Variants in RFX8 observed in about 807,000 individuals in gnomAD.
RFX8 encodes DNA-binding protein RFX8.
RFX8 carries 46 observed loss-of-function variants against 54.6 expected under a neutral mutation model. That is an observed-to-expected ratio of 0.84 (90% confidence interval 0.67 to 1.08). RFX8 has a LOEUF of 1.08. Ranked by LOEUF, RFX8 falls within the 50% of genes least tolerant of loss-of-function variation. The probability of loss-of-function intolerance (pLI) is 0.00; values close to 1 mark genes in which losing one functional copy is unlikely to be tolerated. For missense variants in RFX8, 536 were observed against 562.3 expected (o/e 0.95, Z 0.47); for synonymous variants, 192 against 209.5 (o/e 0.92, Z 0.72).
chr2:101,407,508 A>G (rs1319329748), intron 9 of RFX8, among the ~76,000 whole-genome samples: 1 of 152,206 alleles, frequency 6.6e-6, no homozygotes, highest in Non-Finnish European at 1.5e-5. Context: ...CCTGGCCAAC[A>G]TGGCAAAACC....
chr2:101,429,010 G>A, intron 2 of RFX8: 1 of 1,529,688 alleles, frequency 6.5e-7, no homozygotes, highest in Non-Finnish European at 8.8e-7. Flanking sequence ...CAAAGGCAAT[G>A]GCATCTCCAC....
chr2:101,401,534 C>G (rs1002662415), intron 11 of RFX8, among the ~76,000 whole-genome samples: 17 of 152,206 alleles, frequency 1.1e-4, no homozygotes, highest in Admixed American at 1.3e-4. Context: ...AGAGGGGGAA[C>G]TTGTGGGCAC....
At chr2:101,411,368 G>A (rs1686114331) in intron 8 of RFX8, among the ~76,000 whole-genome samples, 1 of 152,206 alleles carries the variant, frequency 6.6e-6, no homozygotes, top group Non-Finnish European at 1.5e-5. Context: ...TTGCCTGCAG[G>A]TATCAGCAGT....
At chr2:101,420,187 G>A (rs552164587) in intron 4 of RFX8, among the ~76,000 whole-genome samples, 7 of 152,028 alleles carry the variant, frequency 4.6e-5, no homozygotes, top group African/African-American at 9.7e-5. Flanking sequence ...TGGGGCATCC[G>A]AGGCCCCTTC....
At chr2:101,433,854 A>G (rs766729166) in intron 2 of RFX8, among the ~76,000 whole-genome samples, 2 of 152,250 alleles carry the variant, frequency 1.3e-5, no homozygotes, top group Non-Finnish European at 2.9e-5. Flanking sequence ...CTCAAAGCAC[A>G]TGAAGTAATT....
intron 4 of RFX8, 160 bp downstream of exon 4, chr2:101,421,564 A>G (rs1686863752): frequency 2.6e-5 from 35 of 1,347,508 alleles, no homozygotes; most frequent in Non-Finnish European, 3.3e-5. Flanking sequence ...GAACTCAATG[A>G]CTACAACATA....
chr2:101,466,356 C>T (rs1392465681), intron 2 of RFX8, among the ~76,000 whole-genome samples: 1 of 151,574 alleles, frequency 6.6e-6, no homozygotes, highest in East Asian at 1.9e-4. Flanking sequence ...CTTTTAAGAG[C>T]CAATGAGTTC....
intron 9 of RFX8, among the ~76,000 whole-genome samples, chr2:101,408,404 G>A (rs999940362): frequency 5.3e-5 from 8 of 151,764 alleles, no homozygotes; most frequent in Non-Finnish European, 1.0e-4. Context: ...AGAATGGCGT[G>A]AACCCTGGGG....
intron 2 of RFX8, among the ~76,000 whole-genome samples, chr2:101,451,730 C>T (rs1573458959): frequency 1.3e-5 from 2 of 150,378 alleles, no homozygotes; most frequent in South Asian, 4.2e-4. Flanking sequence ...GCCTCGGGAC[C>T]GCACCTCCGG....
chr2:101,453,962 G>A (rs112661677), intron 2 of RFX8, among the ~76,000 whole-genome samples: 52,548 of 151,812 alleles, frequency 0.35, 9,774 homozygotes, highest in African/African-American at 0.45. Flanking sequence ...GGTTTGTTAC[G>A]TACGTATACA....
intron 1 of RFX8, among the ~76,000 whole-genome samples, chr2:101,472,423 C>G (rs1388195970): frequency 6.6e-6 from 1 of 152,050 alleles, no homozygotes; most frequent in African/African-American, 2.4e-5. Context: ...TTAAACATAC[C>G]ACCTCATCAA....
intron 2 of RFX8, among the ~76,000 whole-genome samples, chr2:101,463,409 T>C (rs1227610353): frequency 6.6e-6 from 1 of 152,118 alleles, no homozygotes; most frequent in East Asian, 1.9e-4. Flanking sequence ...AGGGCAGGGC[T>C]CTGGCAGGAG....
chr2:101,421,634 G>T (rs923208115), intron 4 of RFX8, 90 bp downstream of exon 4: 1 of 1,496,154 alleles, frequency 6.7e-7, no homozygotes, highest in Non-Finnish European at 8.9e-7. Flanking sequence ...TGTTGACGGG[G>T]TCTCTTCAAA....
chr2:101,460,018 G>A (rs1689182849), intron 2 of RFX8, among the ~76,000 whole-genome samples: 1 of 152,226 alleles, frequency 6.6e-6, no homozygotes, highest in Non-Finnish European at 1.5e-5. Context: ...CTAGCAGGGA[G>A]CAAGGCTCCA....
At chr2:101,413,655 G>A (rs79610564) in intron 7 of RFX8, among the ~76,000 whole-genome samples, 131 of 152,306 alleles carry the variant, frequency 8.6e-4, no homozygotes, top group African/African-American at 2.9e-3. Flanking sequence ...CTCTTGGGGC[G>A]TGAAGTAACT....
chr2:101,405,172 G>A (rs11123877), intron 10 of RFX8, among the ~76,000 whole-genome samples: 36,641 of 148,766 alleles, frequency 0.25, 4,948 homozygotes, highest in South Asian at 0.41. Flanking sequence ...TTGAGGTGAA[G>A]TTTCGTTCTT....
intron 11 of RFX8, among the ~76,000 whole-genome samples, chr2:101,401,719 C>A (rs1685454585): frequency 6.6e-6 from 1 of 152,114 alleles, no homozygotes; most frequent in Non-Finnish European, 1.5e-5. Context: ...CATGTCCGAC[C>A]TCTACAACCT....
chr2:101,456,084 G>C (rs1348078997), intron 2 of RFX8, among the ~76,000 whole-genome samples: 2 of 152,198 alleles, frequency 1.3e-5, no homozygotes, highest in Non-Finnish European at 2.9e-5. Context: ...CTTTGCTGAA[G>C]TTGCTTATCA....
chr2:101,465,682 C>T (rs918108618), intron 2 of RFX8, among the ~76,000 whole-genome samples: 3 of 152,124 alleles, frequency 2.0e-5, no homozygotes, highest in Admixed American at 1.3e-4. Flanking sequence ...TTACACTTTA[C>T]AAGACTGTTT....
Sources: gnomAD v4.1 joint callset for allele counts (sites outside exome capture counted in the v4.1 genomes callset) on GRCh38, gnomAD v4.1.1 for gene constraint, MANE v1.5 for transcripts, NCBI Gene and HGNC (gene_info 2026-07-23, HGNC 2026-07-21) for gene names.